BMPR1B: variants seen among roughly 807,000 people sequenced by gnomAD.
BMPR1B encodes the protein bone morphogenetic protein receptor type 1B.
BMPR1B carries 12 observed loss-of-function variants against 59.1 expected under a neutral mutation model. The observed-to-expected ratio is 0.20, with a 90% CI of 0.13 to 0.33. The LOEUF (loss-of-function observed/expected upper bound fraction) is 0.33. Among genes scored for constraint, BMPR1B ranks in the 10% least tolerant of loss-of-function variants. BMPR1B has a pLI of 1.00. For missense variants in BMPR1B, 550 were observed against 610.9 expected (o/e 0.90, Z 1.05); for synonymous variants, 237 against 207.3 (o/e 1.14, Z -1.23).
intron 3 of BMPR1B, among the ~76,000 whole-genome samples, chr4:95,063,014 T>C (rs1450525831): frequency 1.3e-5 from 2 of 152,164 alleles, no homozygotes; most frequent in East Asian, 3.9e-4. Flanking sequence ...TCTATTGACA[T>C]TTTATAAGAT....
intron 1 of BMPR1B, among the ~76,000 whole-genome samples, chr4:94,850,893 C>T (rs745329779): frequency 6.6e-6 from 1 of 152,172 alleles, no homozygotes; most frequent in Non-Finnish European, 1.5e-5. Flanking sequence ...TTCTTTCTTC[C>T]ATTTCCCATG....
intron 3 of BMPR1B, among the ~76,000 whole-genome samples, chr4:95,017,034 C>T (rs774462999): frequency 6.6e-6 from 1 of 152,114 alleles, no homozygotes; most frequent in Non-Finnish European, 1.5e-5. Context: ...ATAGGGAAAA[C>T]ATTCACTTTG....
intron 2 of BMPR1B, among the ~76,000 whole-genome samples, chr4:94,942,541 TTAAA>T (rs777886344): frequency 7.2e-5 from 11 of 152,100 alleles, no homozygotes; most frequent in Non-Finnish European, 1.5e-4. Flanking sequence ...AGGCAGCAAA[TTAAA>T]TAAGAGTTTC....
At chr4:94,942,952 G>A (rs892364738) in intron 2 of BMPR1B, among the ~76,000 whole-genome samples, 8 of 152,092 alleles carry the variant, frequency 5.3e-5, no homozygotes, top group Admixed American at 2.0e-4. Flanking sequence ...TATTCATGGC[G>A]GTGTTCTTAA....
chr4:94,769,138 C>G (rs1344207825), intron 1 of BMPR1B, among the ~76,000 whole-genome samples: 2 of 152,160 alleles, frequency 1.3e-5, no homozygotes, highest in Non-Finnish European at 2.9e-5. Flanking sequence ...CTCATCTGTC[C>G]TAAACCTGGA....
chr4:94,962,067 T>C (rs1410000463), intron 2 of BMPR1B, among the ~76,000 whole-genome samples: 4 of 134,974 alleles, frequency 3.0e-5, no homozygotes, highest in Non-Finnish European at 4.6e-5. Context: ...CTTTTCTTTC[T>C]TTTCTTTCCT....
chr4:95,002,667 C>T (rs951756122), intron 3 of BMPR1B, among the ~76,000 whole-genome samples: 1 of 152,242 alleles, frequency 6.6e-6, no homozygotes, highest in Non-Finnish European at 1.5e-5. Flanking sequence ...TTCCTGTTTC[C>T]TCCTCCCTCA....
At chr4:94,862,752 T>C (rs1726040017) in intron 1 of BMPR1B, among the ~76,000 whole-genome samples, 2 of 151,656 alleles carry the variant, frequency 1.3e-5, no homozygotes, top group Non-Finnish European at 2.9e-5. Context: ...GAGACCATCC[T>C]GGCTAACACG....
intron 2 of BMPR1B, among the ~76,000 whole-genome samples, chr4:94,883,319 GTC>G (rs1727053141): frequency 6.6e-6 from 1 of 152,106 alleles, no homozygotes; most frequent in Non-Finnish European, 1.5e-5. Context: ...TCTCAAAGGA[GTC>G]TCTGTTCAAA....
intron 2 of BMPR1B, among the ~76,000 whole-genome samples, chr4:94,989,434 G>C (rs764290684): frequency 6.6e-6 from 1 of 150,566 alleles, no homozygotes; most frequent in Non-Finnish European, 1.5e-5. Flanking sequence ...TTAGCTTCTT[G>C]ATTTCTTAAC....
At chr4:94,980,879 C>T (rs534039508) in intron 2 of BMPR1B, among the ~76,000 whole-genome samples, 1 of 152,270 alleles carries the variant, frequency 6.6e-6, no homozygotes, top group Admixed American at 6.5e-5. Flanking sequence ...CCTGTAATCC[C>T]AGCCACTCAG....
At chr4:94,985,528 TG>T (rs1578882867) in intron 2 of BMPR1B, among the ~76,000 whole-genome samples, 2 of 137,312 alleles carry the variant, frequency 1.5e-5, no homozygotes, top group Admixed American at 7.3e-5. Flanking sequence ...TGTGTGTGTG[TG>T]TGTGTGTGTG....
intron 2 of BMPR1B, among the ~76,000 whole-genome samples, chr4:94,983,006 A>G (rs1721191646): frequency 6.6e-6 from 1 of 151,554 alleles, no homozygotes; most frequent in Non-Finnish European, 1.5e-5. Flanking sequence ...AAAAAAACAA[A>G]CGAAAAAAAA....
intron 1 of BMPR1B, among the ~76,000 whole-genome samples, chr4:94,817,926 A>G (rs1268459691): frequency 2.6e-5 from 4 of 152,122 alleles, no homozygotes; most frequent in African/African-American, 9.7e-5. Context: ...CCATCACTCT[A>G]AGGAGGTGGT....
At chr4:95,149,100 C>CT (rs562429426) in intron 11 of BMPR1B, among the ~76,000 whole-genome samples, 177 bp downstream of exon 11, 179 of 152,328 alleles carry the variant, frequency 1.2e-3, no homozygotes, top group African/African-American at 4.2e-3. Context: ...CTAGAATAAT[C>CT]TTTGACTGCT....
chr4:94,762,804 G>C (rs1330201016), intron 1 of BMPR1B, among the ~76,000 whole-genome samples: 1 of 151,740 alleles, frequency 6.6e-6, no homozygotes, highest in East Asian at 1.9e-4. Context: ...AGATTGATCA[G>C]ACATTGTTCT....
At chr4:95,064,836 A>G (rs1008307144) in intron 3 of BMPR1B, among the ~76,000 whole-genome samples, 4 of 152,126 alleles carry the variant, frequency 2.6e-5, no homozygotes, top group Non-Finnish European at 4.4e-5. Context: ...ATACCACTTC[A>G]CATGTACTAG....
intron 2 of BMPR1B, among the ~76,000 whole-genome samples, chr4:94,955,716 C>T (rs1459994183): frequency 6.6e-6 from 1 of 150,670 alleles, no homozygotes; most frequent in Non-Finnish European, 1.5e-5. Context: ...TGAAGCTCTG[C>T]CTCCTGGGTT....
At chr4:94,796,921 A>G (rs1723215612) in intron 1 of BMPR1B, among the ~76,000 whole-genome samples, 1 of 152,336 alleles carries the variant, frequency 6.6e-6, no homozygotes, top group South Asian at 2.1e-4. Flanking sequence ...TAAATGTAGT[A>G]TGGAAGGGTA....
Sources: allele counts gnomAD v4.1 joint callset (sites outside exome capture counted in the v4.1 genomes callset), GRCh38; gene constraint gnomAD v4.1.1; transcripts MANE v1.5; gene names NCBI Gene and HGNC (gene_info 2026-07-23, HGNC 2026-07-21).